SNTG1: variants seen among roughly 807,000 people sequenced by gnomAD.
The protein encoded by SNTG1 is syntrophin gamma 1.
SNTG1 carries 39 observed loss-of-function variants against 74.7 expected under a neutral mutation model. The ratio of observed to expected loss-of-function variants is 0.52; its 90% CI spans 0.40 to 0.68. The LOEUF is 0.68. SNTG1 is among the 30% of genes least tolerant of loss of function. The probability of loss-of-function intolerance (pLI) is 0.00; values close to 1 mark genes in which losing one functional copy is unlikely to be tolerated. For synonymous variants in SNTG1, 254 were observed against 217.1 expected, an observed-to-expected ratio of 1.17 and a Z score of -1.49; for missense variants, 685 against 609.5, an observed-to-expected ratio of 1.12 and a Z score of -1.30.
At chr8:50,393,901 C>A (rs549860056) in intron 2 of SNTG1, among the ~76,000 whole-genome samples, 4 of 152,086 alleles carry the variant, frequency 2.6e-5, no homozygotes, top group Non-Finnish European at 5.9e-5. Context: ...TGGGAATGAG[C>A]GAGAAGAGGT....
chr8:50,561,433 GA>G (rs575409502), intron 12 of SNTG1, among the ~76,000 whole-genome samples: 2 of 152,026 alleles, frequency 1.3e-5, no homozygotes, highest in Admixed American at 6.6e-5. Flanking sequence ...CAGAAAAAAG[GA>G]AAAAATACAG....
chr8:50,474,621 T>C (rs530101510), intron 8 of SNTG1, among the ~76,000 whole-genome samples: 38 of 152,262 alleles, frequency 2.5e-4, no homozygotes, highest in African/African-American at 9.1e-4. Context: ...ACTTTTACAC[T>C]GTTGGTGGGA....
At chr8:50,221,978 T>C (rs2085093748) in intron 2 of SNTG1, among the ~76,000 whole-genome samples, 1 of 152,180 alleles carries the variant, frequency 6.6e-6, no homozygotes, top group Non-Finnish European at 1.5e-5. Flanking sequence ...GGTAGGGTGC[T>C]AGGATATGGA....
In SNTG1 at chr8:50,536,686, A is replaced by G. The variant is rs1325203544; in HGVS notation, c.558A>G (p.Leu186=). 3.1e-6 allele frequency: 5 copies of G among 1,613,846 alleles called. No individual in the cohort carries two copies. The highest frequency in any genetic ancestry group is 4.2e-6 in the Non-Finnish European group (5 of 1,179,790). ...LNYHPNNTDT[L]SCSSWPTSPG... ...ATTTATCTTCCTTTCAGGACACATT[A>G]TCATGCTCGTCGTGGCCGACGTCTC... Residue 186 remains leucine, a synonymous_variant, in exon 11 of 19, where the codon TTA becomes TTG. Transcript: ENST00000642720.
At chr8:49,946,009 T>A (rs1417496208) in intron 1 of SNTG1, among the ~76,000 whole-genome samples, 1 of 152,168 alleles carries the variant, frequency 6.6e-6, no homozygotes, top group African/African-American at 2.4e-5. Flanking sequence ...TTTTACTAAC[T>A]AGGAAAACCA....
intron 17 of SNTG1, among the ~76,000 whole-genome samples, chr8:50,743,206 A>C (rs2095547496): frequency 6.6e-6 from 1 of 151,976 alleles, no homozygotes; most frequent in South Asian, 2.1e-4. Flanking sequence ...CAAGAAAAGA[A>C]AATAGTAGCT....
At chr8:50,694,511 A>C (rs139157033) in intron 15 of SNTG1, among the ~76,000 whole-genome samples, 60 of 152,278 alleles carry the variant, frequency 3.9e-4, no homozygotes, top group African/African-American at 1.4e-3. Flanking sequence ...CAAACATTTT[A>C]AAAAGAACTG....
chr8:50,635,020 A>G (rs2095029813), intron 13 of SNTG1, among the ~76,000 whole-genome samples: 1 of 152,132 alleles, frequency 6.6e-6, no homozygotes, highest in South Asian at 2.1e-4. Context: ...CTAGTGGTTC[A>G]TGCTCCTCCC....
chr8:50,661,603 A>G (rs1489350134), intron 15 of SNTG1, among the ~76,000 whole-genome samples: 3 of 152,136 alleles, frequency 2.0e-5, no homozygotes, highest in African/African-American at 4.8e-5. Context: ...TTACGTAGGT[A>G]TACATGTACC....
chr8:50,677,042 A>G (rs1563731093), intron 15 of SNTG1, among the ~76,000 whole-genome samples: 2 of 151,934 alleles, frequency 1.3e-5, no homozygotes, highest in African/African-American at 4.8e-5. Flanking sequence ...CTCTCTCAAA[A>G]TATATTTTTG....
chr8:50,563,421 G>T (rs1040594855), intron 12 of SNTG1, among the ~76,000 whole-genome samples: 12 of 152,100 alleles, frequency 7.9e-5, no homozygotes, highest in African/African-American at 2.7e-4. Context: ...TACATGTTCC[G>T]TGGGGCCACT....
chr8:50,309,908 G>A (rs184161142), intron 2 of SNTG1, among the ~76,000 whole-genome samples: 3 of 152,284 alleles, frequency 2.0e-5, no homozygotes, highest in Non-Finnish European at 4.4e-5. Flanking sequence ...ATATTGGACT[G>A]AGACAATTAA....
intron 2 of SNTG1, among the ~76,000 whole-genome samples, chr8:50,228,383 G>T (rs2085450171): frequency 6.6e-6 from 1 of 151,794 alleles, no homozygotes; most frequent in African/African-American, 2.4e-5. Flanking sequence ...TGATAGCTAA[G>T]AACTTTCCCA....
chr8:50,794,992 GAT>G lies in SNTG1; in HGVS notation c.*2166_*2167del, dbSNP rs1383615209. 6.6e-6 allele frequency: 1 copy of G among 151,880 alleles called. No homozygotes were observed. Among genetic ancestry groups the G allele is most frequent in the Non-Finnish European group, 1.5e-5 (1 of 67,952 alleles). 9.4% of individuals were successfully genotyped at this position (151,880 alleles called of 1,614,324 possible). On this transcript the variant is annotated 3_prime_UTR_variant, in exon 19 of 19. Coordinates refer to ENST00000642720, the MANE Select transcript of SNTG1 (RefSeq NM_018967.5). ...TTACGAAGGAAAAGGTGCACAATGAGATATGTATAAATATATATCTCCTCAGA... is the reference window on the plus strand; with the variant it reads ...TTACGAAGGAAAAGGTGCACAATGAGATGTATAAATATATATCTCCTCAGA...
intron 1 of SNTG1, among the ~76,000 whole-genome samples, chr8:49,979,234 G>C (rs1212546696): frequency 6.6e-6 from 1 of 152,204 alleles, no homozygotes; most frequent in Non-Finnish European, 1.5e-5. Context: ...AGCCAGAGCG[G>C]AGTGCGCCTG....
intron 1 of SNTG1, among the ~76,000 whole-genome samples, chr8:50,028,739 A>T (rs575021032): frequency 3.1e-4 from 45 of 146,368 alleles, no homozygotes; most frequent in African/African-American, 9.0e-4. Flanking sequence ...TTAAAGTATA[A>T]AAAAAAAGAG....
chr8:50,744,189 A>G (rs2095550128), intron 17 of SNTG1, among the ~76,000 whole-genome samples: 1 of 152,016 alleles, frequency 6.6e-6, no homozygotes, highest in South Asian at 2.1e-4. Flanking sequence ...TCCAAACTAA[A>G]TAACCACACA....
chr8:50,245,574 T>C (rs943187176), intron 2 of SNTG1, among the ~76,000 whole-genome samples: 1 of 152,068 alleles, frequency 6.6e-6, no homozygotes, highest in African/African-American at 2.4e-5. Flanking sequence ...TCTCAGCTAC[T>C]TGGGAGGCTG....
At chr8:50,142,001 A>G (rs1435221910) in intron 1 of SNTG1, among the ~76,000 whole-genome samples, 4 of 152,118 alleles carry the variant, frequency 2.6e-5, no homozygotes, top group Admixed American at 2.6e-4. Context: ...GACACCTATT[A>G]TTGCAAAATC....
Sources: allele counts gnomAD v4.1 joint callset (sites outside exome capture counted in the v4.1 genomes callset), GRCh38; gene constraint gnomAD v4.1.1; transcripts MANE v1.5; gene names NCBI Gene and HGNC (gene_info 2026-07-23, HGNC 2026-07-21).